Variants in MAST4 observed in about 807,000 individuals in gnomAD.
The protein encoded by MAST4 is microtubule-associated serine/threonine-protein kinase 4.
Under a neutral mutation model 162.7 loss-of-function variants are expected in MAST4, and 89 were observed. That is an observed-to-expected ratio of 0.55 (90% CI 0.46 to 0.65). The LOEUF (loss-of-function observed/expected upper bound fraction) is 0.65, where lower values mean the gene tolerates loss of function less well. MAST4 is among the 30% of genes least tolerant of loss of function. The probability of loss-of-function intolerance (pLI) is 0.00; values close to 1 mark genes in which losing one functional copy is unlikely to be tolerated. For missense variants in MAST4, 3,153 were observed against 3,374.0 expected, an observed-to-expected ratio of 0.93 and a Z score of 1.62; for synonymous variants, 1,479 against 1,361.1, an observed-to-expected ratio of 1.09 and a Z score of -1.91.
chr5:67,091,195 C>T lies in MAST4; in HGVS notation c.833+964C>T, dbSNP rs867190959. On this transcript the variant is annotated intron_variant, in intron 6 of 28. Coordinates refer to ENST00000403625, the MANE Select transcript of MAST4 (RefSeq NM_001164664.2). ...GCAAAACTTGCAGTGCCCTCACGAC[C>T]GTTTGTCAGCATGTCATGCATTTTA... Among the ~76,000 whole-genome samples the T allele has an allele frequency of 5.9e-5, 9 of 152,116 alleles. 1 individual carries two copies. Among genetic ancestry groups the T allele is most frequent in the Non-Finnish European group, 1.2e-4 (8 of 68,024 alleles).
chr5:67,113,904 A>G (rs1211025966), intron 11 of MAST4, among the ~76,000 whole-genome samples, 183 bp from the exon 12 acceptor site: 1 of 152,246 alleles, frequency 6.6e-6, no homozygotes, highest in African/African-American at 2.4e-5. Flanking sequence ...TTGGCTTAGA[A>G]TATGAATAGG....
At chr5:66,618,793 G>A (rs763363400) in intron 1 of MAST4, among the ~76,000 whole-genome samples, 7 of 152,010 alleles carry the variant, frequency 4.6e-5, no homozygotes, top group Non-Finnish European at 8.8e-5. Context: ...TGCACTTTTT[G>A]TAAAAAGAAA....
At chr5:67,090,362 C>G in intron 6 of MAST4, 131 bp downstream of exon 6, 1 of 437,492 alleles carries the variant, frequency 2.3e-6, no homozygotes, top group South Asian at 2.1e-5. Context: ...TCCCCTTCCC[C>G]CCACTTCCCC....
Position 67,164,819 on chromosome 5 carries a change from C to T in MAST4, c.5640C>T (p.Ser1880=). ...YLLEPWFLPP[S]RGLQNSPAVS... ...TGGAGCCTTGGTTCCTGCCCCCCAG[C>T]CGAGGTCTCCAGAATTCACCAGCAG... The change falls in exon 29 of 29, where the codon AGC becomes AGT. Residue 1880 remains serine (S), a synonymous_variant. Transcript: ENST00000403625. This position sits in a 1 kb window ranked among gnomAD's most constrained non-coding sequence, Gnocchi z 5.3. 6.2e-7 allele frequency: 1 copy of T among 1,614,024 alleles called. No individual in the cohort carries two copies. Among genetic ancestry groups the T allele is most frequent in the South Asian group, 1.1e-5 (1 of 91,080 alleles).
rs200645819 is a variant in MAST4, at chr5:67,149,437, G to A, written c.3143G>A (p.Cys1048Tyr). 3.9e-5 allele frequency: 63 copies of A among 1,613,686 alleles called. No homozygotes were observed. The highest frequency in any genetic ancestry group is 1.2e-4 in the South Asian group (11 of 90,954). The change falls in exon 24 of 29, where the codon TGT (cysteine) becomes TAT (tyrosine). Residue 1048 changes from cysteine (C) to tyrosine (Y), a missense_variant. Around this residue, in one of 7 missense-constraint regions of MAST4, gnomAD observed 619 missense variants for 744.2 expected, o/e 0.83. Transcript: ENST00000403625. ...HLDQINGRSE[C>Y]VDSTDNSSKP... ...GATCAGATAAATGGACGAAGCGAGT[G>A]TGTGGACAGTACAGATAATTCCTCA... is the stretch of plus-strand genomic sequence containing the variant.
At chr5:66,973,921 C>G (rs1263254892) in intron 4 of MAST4, among the ~76,000 whole-genome samples, 1 of 152,176 alleles carries the variant, frequency 6.6e-6, no homozygotes, top group Non-Finnish European at 1.5e-5. Flanking sequence ...CAGTGGGAAG[C>G]AGAAGCTCTT....
chr5:66,950,156 A>G (rs1027426489), intron 4 of MAST4, among the ~76,000 whole-genome samples: 84 of 152,076 alleles, frequency 5.5e-4, no homozygotes, highest in Non-Finnish European at 6.9e-4. Context: ...CTCTAATAGC[A>G]TAGGTTGCTA....
rs115469561 is a variant in MAST4 at position 67,045,280 on chromosome 5, C to T, written c.675-9124C>T. On this transcript the variant is annotated intron_variant, in intron 4 of 28. Coordinates refer to ENST00000403625, the MANE Select transcript of MAST4 (RefSeq NM_001164664.2). The stretch of plus-strand genomic sequence containing the variant: ...TAGGTTGTAAGCTTCGTGTACAATT[C>T]GAAGTTATGTTGTGACCACCAAGTG... Among the ~76,000 whole-genome samples the T allele has an allele frequency of 3.9e-3, 596 of 152,228 alleles. 4 individuals are homozygous for T. Among genetic ancestry groups the T allele is most frequent in the South Asian group, 0.012 (56 of 4,824 alleles).
intron 1 of MAST4, among the ~76,000 whole-genome samples, chr5:66,663,540 T>G (rs899075189): frequency 1.3e-5 from 2 of 151,960 alleles, no homozygotes; most frequent in African/African-American, 4.8e-5. Flanking sequence ...CTGGAGGAAG[T>G]GAGGGGTGAT....
chr5:66,708,175 C>T (rs1750261154), intron 1 of MAST4, among the ~76,000 whole-genome samples: 1 of 152,184 alleles, frequency 6.6e-6, no homozygotes, highest in Admixed American at 6.5e-5. Context: ...GCCTCTGTGT[C>T]TTGCTTGCTT....
chr5:66,887,370 G>C (rs1762105937), intron 3 of MAST4, among the ~76,000 whole-genome samples: 2 of 152,128 alleles, frequency 1.3e-5, no homozygotes, highest in Non-Finnish European at 2.9e-5. Context: ...TGTGTATTTG[G>C]ATACACTGTT....
intron 19 of MAST4, among the ~76,000 whole-genome samples, chr5:67,139,260 TAATGCACCGTGAAAATGTGCG>T (rs931695945): frequency 1.3e-5 from 2 of 152,180 alleles, no homozygotes; most frequent in African/African-American, 4.8e-5. Flanking sequence ...GTGGGCAAAA[TAATGCACCGTGAAAATGTGCG>T]AATGCACATT....
At chr5:66,814,037 C>A (rs774672793) in intron 3 of MAST4, among the ~76,000 whole-genome samples, 2 of 152,118 alleles carry the variant, frequency 1.3e-5, no homozygotes, top group Non-Finnish European at 2.9e-5. Context: ...ATCCGGGGGA[C>A]CTGATCCGGG....
intron 4 of MAST4, among the ~76,000 whole-genome samples, chr5:66,933,209 C>T (rs1166470802): frequency 4.6e-5 from 7 of 152,066 alleles, no homozygotes; most frequent in Non-Finnish European, 7.4e-5. Flanking sequence ...GCCTTCATTG[C>T]ACTTATATGC....
chr5:66,848,395 A>T (rs1384251710), intron 3 of MAST4, among the ~76,000 whole-genome samples: 2 of 152,164 alleles, frequency 1.3e-5, no homozygotes, highest in East Asian at 1.9e-4. Context: ...TCTTTGAAGG[A>T]TTAGTATATT....
chr5:66,783,335 A>T (rs921619532), intron 2 of MAST4: 1 of 152,058 alleles, frequency 6.6e-6, no homozygotes, highest in African/African-American at 2.4e-5. Flanking sequence ...CTATTTTTAG[A>T]TTTTACAACA....
At chr5:66,682,806 G>A (rs1293600374) in intron 1 of MAST4, among the ~76,000 whole-genome samples, 2 of 152,164 alleles carry the variant, frequency 1.3e-5, no homozygotes. Flanking sequence ...TCAAACTCCT[G>A]GGCTTATATG....
At chr5:66,627,280 C>G (rs1351513427) in intron 1 of MAST4, among the ~76,000 whole-genome samples, 2 of 152,214 alleles carry the variant, frequency 1.3e-5, no homozygotes, top group African/African-American at 4.8e-5. Flanking sequence ...ATGGGGATAA[C>G]TACTCCCATT....
At chr5:67,079,026 A>T (rs1386781117) in intron 5 of MAST4, among the ~76,000 whole-genome samples, 5 of 143,852 alleles carry the variant, frequency 3.5e-5, no homozygotes, top group Non-Finnish European at 3.0e-5. Context: ...GGTAGACAGC[A>T]TCCTATATGT....
Sources: allele counts gnomAD v4.1 joint callset (sites outside exome capture counted in the v4.1 genomes callset), GRCh38; gene constraint gnomAD v4.1.1; regional missense constraint gnomAD v4.1.1; non-coding constraint Gnocchi (gnomAD v3.1); transcripts MANE v1.5; gene names NCBI Gene and HGNC (gene_info 2026-07-23, HGNC 2026-07-21).